Variants in PAK5 observed in about 807,000 individuals in gnomAD.
The protein encoded by PAK5 is p21 (RAC1) activated kinase 5.
PAK5 carries 16 observed loss-of-function variants against 65.9 expected under a neutral mutation model. The ratio of observed to expected loss-of-function variants is 0.24; its 90% CI spans 0.16 to 0.37. PAK5 has a LOEUF of 0.37. PAK5 is among the 10% of genes least tolerant of loss of function. PAK5 has a pLI of 1.00. For missense variants in PAK5, 785 were observed against 903.9 expected, an observed-to-expected ratio of 0.87 and a Z score of 1.69; for synonymous variants, 371 against 354.9, an observed-to-expected ratio of 1.05 and a Z score of -0.51.
At chr20:9,550,761 T>TGTGTGTGTGTG (rs61241913) in intron 7 of PAK5, among the ~76,000 whole-genome samples, 1 of 151,216 alleles carries the variant, frequency 6.6e-6, no homozygotes, top group Non-Finnish European at 1.5e-5. Context: ...TGTGTGTGTG[T>TGTGTGTGTGTG]TTATTTCCAA....
chr20:9,836,690 A>T (rs1979174636), intron 1 of PAK5, among the ~76,000 whole-genome samples: 1 of 152,174 alleles, frequency 6.6e-6, no homozygotes, highest in African/African-American at 2.4e-5. Flanking sequence ...TAGTTGGGAA[A>T]TTTAAGGGAA....
At chr20:9,816,668 C>T (rs540291700) in intron 1 of PAK5, among the ~76,000 whole-genome samples, 1 of 152,254 alleles carries the variant, frequency 6.6e-6, no homozygotes, top group South Asian at 2.1e-4. Flanking sequence ...CTCTCTGGTT[C>T]TCAGGCTTTT....
At chr20:9,689,848 T>C (rs1003892694) in intron 2 of PAK5, among the ~76,000 whole-genome samples, 1 of 151,974 alleles carries the variant, frequency 6.6e-6, no homozygotes, top group African/African-American at 2.4e-5. Flanking sequence ...AAAGTGTGTA[T>C]GGAGATAACT....
chr20:9,584,082 G>A (rs565920553), intron 3 of PAK5, among the ~76,000 whole-genome samples: 95 of 152,216 alleles, frequency 6.2e-4, no homozygotes, highest in Admixed American at 2.0e-3. Context: ...CTCCCTTAGA[G>A]AAAGAAAGAA....
At chr20:9,606,765 GAA>G (rs2123129016) in intron 3 of PAK5, among the ~76,000 whole-genome samples, 1 of 152,260 alleles carries the variant, frequency 6.6e-6, no homozygotes, top group East Asian at 1.9e-4. Flanking sequence ...TTTCCTTTGT[GAA>G]AATGTGTTGG....
At position 9,771,410 on chromosome 20, in the gene PAK5, A is replaced by T. The variant is rs1161736382; in HGVS notation, c.-161-59975T>A. Among the ~76,000 whole-genome samples the T allele has an allele frequency of 2.5e-4, 36 of 145,890 alleles. 1 individual carries two copies. The highest frequency in any genetic ancestry group is 1.6e-3 in the East Asian group (8 of 4,996). On this transcript the variant is annotated intron_variant, in intron 1 of 9. Coordinates refer to ENST00000353224, the MANE Select transcript of PAK5 (RefSeq NM_177990.4). ...AAAGAGCAGATCTATAATTTAAAAAAATTTTTTTTTTTTTCTGAGATAGGG... is the reference window on the plus strand; with the variant it reads ...AAAGAGCAGATCTATAATTTAAAAATATTTTTTTTTTTTTCTGAGATAGGG...
chr20:9,758,880 C>G (rs1022738165), intron 1 of PAK5, among the ~76,000 whole-genome samples: 1 of 152,090 alleles, frequency 6.6e-6, no homozygotes, highest in Admixed American at 6.6e-5. Flanking sequence ...GAGGCCATGT[C>G]TAAGGAAAAG....
chr20:9,641,827 C>T (rs974048913), intron 3 of PAK5, among the ~76,000 whole-genome samples: 2 of 152,148 alleles, frequency 1.3e-5, no homozygotes, highest in South Asian at 2.1e-4. Context: ...CAGCCACTGG[C>T]CCAGGTGCTA....
chr20:9,737,213 G>T (rs2048399524), intron 1 of PAK5, among the ~76,000 whole-genome samples: 1 of 152,018 alleles, frequency 6.6e-6, no homozygotes, highest in South Asian at 2.1e-4. Context: ...AAAAGACAGA[G>T]ATATCAGATT....
intron 2 of PAK5, among the ~76,000 whole-genome samples, chr20:9,700,454 T>G (rs2123460427): frequency 6.6e-6 from 1 of 152,288 alleles, no homozygotes; most frequent in Non-Finnish European, 1.5e-5. Context: ...TTCCACTGAA[T>G]GAATAAACCA....
chr20:9,696,255 G>A (rs1339165836), intron 2 of PAK5, among the ~76,000 whole-genome samples: 3 of 152,032 alleles, frequency 2.0e-5, no homozygotes, highest in Non-Finnish European at 4.4e-5. Flanking sequence ...GCAACCTCTG[G>A]ACCATCAGCA....
At chr20:9,694,383 T>C (rs562839730) in intron 2 of PAK5, among the ~76,000 whole-genome samples, 2 of 151,702 alleles carry the variant, frequency 1.3e-5, no homozygotes, top group Non-Finnish European at 3.0e-5. Context: ...GGGAGGGTCA[T>C]GGGGTATGAC....
At chr20:9,806,041 T>G (rs1340721965) in intron 1 of PAK5, among the ~76,000 whole-genome samples, 1 of 152,206 alleles carries the variant, frequency 6.6e-6, no homozygotes, top group Non-Finnish European at 1.5e-5. Context: ...CTCAGCCCCC[T>G]GCAACCTCTG....
chr20:9,712,823 G>T (rs2048094040), intron 1 of PAK5, among the ~76,000 whole-genome samples: 1 of 152,052 alleles, frequency 6.6e-6, no homozygotes, highest in South Asian at 2.1e-4. Context: ...ATATACAGAA[G>T]AATGAAATTA....
chr20:9,738,774 A>C (rs996643933), intron 1 of PAK5, among the ~76,000 whole-genome samples: 1 of 152,084 alleles, frequency 6.6e-6, no homozygotes, highest in Non-Finnish European at 1.5e-5. Flanking sequence ...GGTTGTATAC[A>C]TATGTCAACA....
intron 4 of PAK5, 67 bp downstream of exon 4, chr20:9,580,078 G>T: frequency 7.5e-7 from 1 of 1,332,392 alleles, no homozygotes. Flanking sequence ...CGTATAAAAA[G>T]GTCGTGCCAG....
At chr20:9,696,324 G>A (rs2047868772) in intron 2 of PAK5, among the ~76,000 whole-genome samples, 1 of 152,036 alleles carries the variant, frequency 6.6e-6, no homozygotes, top group Non-Finnish European at 1.5e-5. Context: ...CTCTCTAGTG[G>A]GTGGGTCTAG....
At chr20:9,552,300 T>C (rs2045440490) in intron 7 of PAK5, among the ~76,000 whole-genome samples, 1 of 152,248 alleles carries the variant, frequency 6.6e-6, no homozygotes, top group African/African-American at 2.4e-5. Flanking sequence ...AGTCACTCAC[T>C]GCTCACTGGC....
At chr20:9,565,819 A>G (rs1288979558) in intron 5 of PAK5, 74 bp downstream of exon 5, 2 of 1,394,742 alleles carry the variant, frequency 1.4e-6, no homozygotes, top group Non-Finnish European at 2.0e-6. Context: ...CCTAAAATGT[A>G]CATGTGTATA....
Sources: allele counts gnomAD v4.1 joint callset (sites outside exome capture counted in the v4.1 genomes callset), GRCh38; gene constraint gnomAD v4.1.1; transcripts MANE v1.5; gene names NCBI Gene and HGNC (gene_info 2026-07-23, HGNC 2026-07-21).